The following TMPRSS15 variants were observed in gnomAD, a reference collection of about 807,000 sequenced individuals.
TMPRSS15 encodes transmembrane serine protease 15.
TMPRSS15 carries 128 observed loss-of-function variants against 125.3 expected under a neutral mutation model. That is an observed-to-expected ratio of 1.02 (90% CI 0.89 to 1.18). The LOEUF is 1.18. Ranked by LOEUF, TMPRSS15 falls within the 50% of genes most tolerant of loss-of-function variation. The pLI is 0.00. For missense variants in TMPRSS15, 1,283 were observed against 1,212.7 expected (o/e 1.06, Z -0.86); for synonymous variants, 446 against 423.2 (o/e 1.05, Z -0.66).
At chr21:18,444,717 C>A (rs1022648885) in intron 1 of TMPRSS15, among the ~76,000 whole-genome samples, 1 of 152,130 alleles carries the variant, frequency 6.6e-6, no homozygotes, top group Non-Finnish European at 1.5e-5. Flanking sequence ...TCAAAACTTT[C>A]TCTTTTAGTT....
Position 18,269,697 on chromosome 21 carries a change from A to C in TMPRSS15, c.*272T>G, listed in dbSNP as rs1568971453. On this transcript the variant is annotated 3_prime_UTR_variant, in exon 25 of 25. Coordinates refer to ENST00000284885, the MANE Select transcript of TMPRSS15 (RefSeq NM_002772.3). Reference sequence around the variant, plus strand: ...CAGTAAGTAATAAAAATAATCATTAAGAATTTTAAAAATGAGATCTGTGAA... The same window carrying C: ...CAGTAAGTAATAAAAATAATCATTACGAATTTTAAAAATGAGATCTGTGAA... 1 of 365,800 alleles carries C rather than the reference A, an allele frequency of 2.7e-6. No homozygotes were observed. The highest frequency in any genetic ancestry group is 4.2e-5 in the Admixed American group (1 of 23,566). The allele number at this position is 365,800 out of a possible 1,614,324, so 22.7% of individuals were successfully genotyped here.
chr21:18,388,821 G>A (rs1348479669), intron 3 of TMPRSS15, among the ~76,000 whole-genome samples: 2 of 152,032 alleles, frequency 1.3e-5, no homozygotes, highest in Non-Finnish European at 2.9e-5. Flanking sequence ...GACTAAGTAC[G>A]CATTTTTATT....
Position 18,397,932 on chromosome 21 carries a change from A to G in TMPRSS15, c.291T>C (p.Phe97=). Residue 97 remains phenylalanine (F), a synonymous_variant, in exon 3 of 25, where the codon TTT becomes TTC. Coordinates refer to ENST00000284885, the MANE Select transcript of TMPRSS15 (RefSeq NM_002772.3). ...ATTCATTCTTCAGATTGCTTGATAGAAAGATCTCATCTATCTAGAAAAATA... is the reference window on the plus strand; with the variant it reads ...ATTCATTCTTCAGATTGCTTGATAGGAAGATCTCATCTATCTAGAAAAATA... ...FDLQQMIDEI[F]LSSNLKNEYK... is the part of the protein sequence containing the mutation. 1 of 1,535,330 alleles carries G rather than the reference A, an allele frequency of 6.5e-7. No homozygotes were observed. Among genetic ancestry groups the G allele is most frequent in the Non-Finnish European group, 8.9e-7 (1 of 1,118,470 alleles).
At chr21:18,425,543 T>C (rs1447501404) in intron 1 of TMPRSS15, among the ~76,000 whole-genome samples, 8 of 152,170 alleles carry the variant, frequency 5.3e-5, no homozygotes, top group Non-Finnish European at 7.4e-5. Flanking sequence ...GTTCTTTCAC[T>C]TTCTTATGAG....
At chr21:18,395,278 C>T (rs2076024476) in intron 3 of TMPRSS15, among the ~76,000 whole-genome samples, 1 of 152,148 alleles carries the variant, frequency 6.6e-6, no homozygotes, top group Non-Finnish European at 1.5e-5. Flanking sequence ...GTCTTGAGTA[C>T]TTTTTTAATA....
intron 14 of TMPRSS15, 61 bp downstream of exon 14, chr21:18,332,023 G>A: frequency 7.0e-7 from 1 of 1,423,970 alleles, no homozygotes; most frequent in Non-Finnish European, 9.9e-7. Context: ...GCTGCGTCAA[G>A]GGGAGATCTA....
intron 1 of TMPRSS15, among the ~76,000 whole-genome samples, chr21:18,484,421 A>C (rs1601479459): frequency 6.6e-6 from 1 of 151,998 alleles, no homozygotes; most frequent in East Asian, 1.9e-4. Flanking sequence ...GCATAATTGT[A>C]GAAGGATTTA....
chr21:18,411,873 G>A (rs2076166700), intron 1 of TMPRSS15, among the ~76,000 whole-genome samples: 1 of 152,068 alleles, frequency 6.6e-6, no homozygotes, highest in Admixed American at 6.5e-5. Flanking sequence ...CTTCTGAAGG[G>A]AAGAACTCTA....
At chr21:18,382,724 A>G (rs1014989815) in intron 4 of TMPRSS15, among the ~76,000 whole-genome samples, 4 of 152,132 alleles carry the variant, frequency 2.6e-5, no homozygotes, top group Non-Finnish European at 5.9e-5. Flanking sequence ...GAATTCCAAA[A>G]TGTATTTGGT....
chr21:18,477,972 A>C (rs1482198204), intron 1 of TMPRSS15, among the ~76,000 whole-genome samples: 2 of 152,054 alleles, frequency 1.3e-5, no homozygotes, highest in Non-Finnish European at 2.9e-5. Flanking sequence ...AGGTGGCAAA[A>C]GTAAATAATG....
intron 1 of TMPRSS15, among the ~76,000 whole-genome samples, chr21:18,464,069 AG>A (rs2123277020): frequency 6.8e-6 from 1 of 147,084 alleles, no homozygotes; most frequent in South Asian, 2.2e-4. Flanking sequence ...GCTACTTGGG[AG>A]GCTGAGACAG....
At chr21:18,336,712 T>A (rs1277155585) in intron 13 of TMPRSS15, among the ~76,000 whole-genome samples, 1 of 152,152 alleles carries the variant, frequency 6.6e-6, no homozygotes, top group Non-Finnish European at 1.5e-5. Context: ...CAGACTGGAG[T>A]GCTGTGGCTA....
At chr21:18,425,905 G>A (rs1401186097) in intron 1 of TMPRSS15, among the ~76,000 whole-genome samples, 1 of 152,048 alleles carries the variant, frequency 6.6e-6, no homozygotes, top group Admixed American at 6.5e-5. Flanking sequence ...ATTATTTGGT[G>A]GCAAAAGATA....
chr21:18,467,699 GTC>G (rs1978695471), intron 1 of TMPRSS15, among the ~76,000 whole-genome samples: 1 of 152,064 alleles, frequency 6.6e-6, no homozygotes, highest in Non-Finnish European at 1.5e-5. Context: ...AAAATTGTGT[GTC>G]TGTGTAAAGA....
chr21:18,398,004 G>C (rs2076055610), intron 2 of TMPRSS15, 58 bp from the exon 3 acceptor site: 1 of 1,310,330 alleles, frequency 7.6e-7, no homozygotes, highest in Non-Finnish European at 1.1e-6. Context: ...AACTTTTGTT[G>C]AAAAATTTAT....
chr21:18,316,490 A>G (rs892087598), intron 16 of TMPRSS15, among the ~76,000 whole-genome samples: 15 of 149,696 alleles, frequency 1.0e-4, no homozygotes, highest in Middle Eastern at 3.4e-3. Context: ...GTCAGGCAGG[A>G]AAGGGTAGTT....
rs1253221808 is a variant in TMPRSS15 at position 18,301,471 on chromosome 21, C to T, written c.2166-3642G>A. On this transcript the variant is annotated intron_variant, in intron 18 of 24. Coordinates refer to ENST00000284885, the MANE Select transcript of TMPRSS15 (RefSeq NM_002772.3). ...ATTTACTTTTGAAAGACAAAAATCT[C>T]AGAACTACTAAAAAATTGAATTCAG... Among the ~76,000 whole-genome samples the T allele has an allele frequency of 2.6e-5, 4 of 152,244 alleles. No homozygotes were observed. In the East Asian group the frequency reaches 7.7e-4, roughly 29 times the overall value.
At position 18,269,195 on chromosome 21, in the gene TMPRSS15, G is replaced by GAAAT. The variant is rs1481830374; in HGVS notation, c.*770_*773dup. The GAAAT allele has an allele frequency of 6.6e-6, 1 of 152,096 alleles. No homozygotes were observed. The highest frequency in any genetic ancestry group is 2.4e-5 in the African/African-American group (1 of 41,420). 9.4% of individuals were successfully genotyped at this position (152,096 alleles called of 1,614,324 possible). The stretch of plus-strand genomic sequence containing the variant: ...TGTCTAAATAAGTTTTCATATATTA[G>GAAAT]AAATATCCACTGTAACACACATAAA... On this transcript the variant is annotated 3_prime_UTR_variant, in exon 25 of 25. Transcript: ENST00000284885.
intron 1 of TMPRSS15, among the ~76,000 whole-genome samples, chr21:18,444,987 A>T (rs1276414662): frequency 6.6e-6 from 1 of 152,144 alleles, no homozygotes; most frequent in East Asian, 1.9e-4. Context: ...TGCCATTAAG[A>T]GTGGCAAAAC....
Sources: gnomAD v4.1 joint callset for allele counts (sites outside exome capture counted in the v4.1 genomes callset) on GRCh38, gnomAD v4.1.1 for gene constraint, MANE v1.5 for transcripts, NCBI Gene and HGNC (gene_info 2026-07-23, HGNC 2026-07-21) for gene names.